OR10J1: variants seen among roughly 807,000 people sequenced by gnomAD.
OR10J1 encodes the protein olfactory receptor family 10 subfamily J member 1.
For synonymous variants in OR10J1, 202 were observed against 143.8 expected (o/e 1.40, Z -2.89); for missense variants, 474 against 376.6 (o/e 1.26, Z -2.14).
chr1:159,414,225 C>A, the OR10J1 span, among the ~76,000 whole-genome samples: 3 of 152,090 alleles, frequency 2.0e-5, no homozygotes, highest in East Asian at 1.9e-4. Context: ...CATTGACCAA[C>A]TTCTCTTCAT....
At position 159,440,811 on chromosome 1, in the gene OR10J1, C is replaced by A. The variant is rs989461024; in HGVS notation, c.*90C>A. The A allele has an allele frequency of 1.4e-6, 2 of 1,383,916 alleles. No individual in the cohort carries two copies. Among genetic ancestry groups the A allele is most frequent in the Non-Finnish European group, 2.0e-6 (2 of 1,023,678 alleles). 85.7% of individuals were successfully genotyped at this position (1,383,916 alleles called of 1,614,324 possible). On this transcript the variant is annotated 3_prime_UTR_variant, in exon 1 of 1. Coordinates refer to ENST00000423932, the MANE Select transcript of OR10J1 (RefSeq NM_012351.3). ...CTCACAAACACTTGGCTCCTAGAGA[C>A]CTGCCCCTTAAATAAGAGGCAAAAG...
chr1:159,435,385 T>C (rs1400470405), upstream of OR10J1, among the ~76,000 whole-genome samples: 1 of 152,174 alleles, frequency 6.6e-6, no homozygotes, highest in African/African-American at 2.4e-5. Context: ...GACAAAAGCA[T>C]CTACAAGTAT....
the OR10J1 span, among the ~76,000 whole-genome samples, chr1:159,399,073 C>T: frequency 2.0e-5 from 3 of 151,856 alleles, no homozygotes; most frequent in Non-Finnish European, 4.4e-5. Context: ...AATTAAGCTT[C>T]ACTACATCTG....
chr1:159,424,472 A>G, the OR10J1 span, among the ~76,000 whole-genome samples: 1 of 149,344 alleles, frequency 6.7e-6, no homozygotes, highest in Non-Finnish European at 1.5e-5. Flanking sequence ...TAAATATATA[A>G]GTATACATAT....
chr1:159,413,588 A>T, the OR10J1 span, among the ~76,000 whole-genome samples: 1 of 151,764 alleles, frequency 6.6e-6, no homozygotes, highest in Admixed American at 6.6e-5. Flanking sequence ...CTATCACAAG[A>T]ACAAAAAACC....
the OR10J1 span, among the ~76,000 whole-genome samples, chr1:159,427,323 C>T: frequency 7.6e-4 from 115 of 150,666 alleles, no homozygotes; most frequent in Non-Finnish European, 1.1e-3. Flanking sequence ...AATTTAAATG[C>T]AAAAATAAAG....
chr1:159,406,129 G>T, the OR10J1 span: 1 of 466,332 alleles, frequency 2.1e-6, no homozygotes, highest in South Asian at 1.7e-5. Flanking sequence ...AGCATATGGG[G>T]AGTAATGGCC....
chr1:159,418,393 C>A, the OR10J1 span, among the ~76,000 whole-genome samples: 16,485 of 152,164 alleles, frequency 0.11, 1,144 homozygotes, highest in East Asian at 0.23. Context: ...GTCCCAGCCA[C>A]CCTAGCCATG....
In OR10J1 at chr1:159,440,701, G is replaced by T. The variant is rs776144411; in HGVS notation, c.910G>T (p.Val304Phe). 1.2e-6 allele frequency: 2 copies of T among 1,609,200 alleles called. No individual in the cohort carries two copies. The highest frequency in any genetic ancestry group is 1.1e-5 in the South Asian group (1 of 90,606). ...GGTCAAAGATGCTCTGTGCAGGGCT[G>T]TTGGTGGGAAGTTTTCCTGACCATG... The part of the protein sequence containing the change: ...KEVKDALCRA[V>F]GGKFS Residue 304 changes from valine to phenylalanine, a missense_variant, in exon 1 of 1, where the codon GTT becomes TTT. Transcript: ENST00000423932.
the OR10J1 span, among the ~76,000 whole-genome samples, chr1:159,416,144 A>T: frequency 1.3e-5 from 2 of 151,798 alleles, no homozygotes; most frequent in Non-Finnish European, 2.9e-5. Flanking sequence ...TGACAATTTG[A>T]TTTATTCTTG....
the OR10J1 span, among the ~76,000 whole-genome samples, chr1:159,421,361 A>T: frequency 2.0e-5 from 3 of 152,022 alleles, no homozygotes; most frequent in African/African-American, 7.2e-5. Flanking sequence ...ATTCTTGAGT[A>T]TCAATATTTT....
At chr1:159,410,120 T>G in the OR10J1 span, among the ~76,000 whole-genome samples, 1 of 152,216 alleles carries the variant, frequency 6.6e-6, no homozygotes, top group African/African-American at 2.4e-5. Flanking sequence ...TTGAGGATTT[T>G]TGCATCAATG....
chr1:159,406,341 C>T, the OR10J1 span: 16 of 481,150 alleles, frequency 3.3e-5, no homozygotes, highest in Non-Finnish European at 6.7e-5. Flanking sequence ...AGAGCTCAGT[C>T]ACAGCAGTGG....
At chr1:159,421,032 A>T in the OR10J1 span, among the ~76,000 whole-genome samples, 1 of 152,036 alleles carries the variant, frequency 6.6e-6, no homozygotes, top group African/African-American at 2.4e-5. Flanking sequence ...AGATACCACA[A>T]ATTTGAGTAC....
the OR10J1 span, chr1:159,406,443 C>A: frequency 4.3e-4 from 141 of 330,370 alleles, 2 homozygotes; most frequent in South Asian, 4.1e-3. Flanking sequence ...ACAGATTACA[C>A]AGTTGTCTGA....
rs1655917215 is a variant in OR10J1, at chr1:159,440,620, T to A, written c.829T>A (p.Tyr277Asn). ...REHDQLISVT[Y>N]TVITPLLNPV... is the part of the protein sequence containing the mutation. ...ACATGACCAGCTGATCTCGGTGACC[T>A]ACACTGTCATCACTCCCCTACTGAA... The change falls in exon 1 of 1, where the codon TAC (tyrosine) becomes AAC (asparagine). Residue 277 changes from tyrosine (Y) to asparagine (N), a missense_variant. By Grantham distance (143) the Tyr-to-Asn change is moderately radical. Transcript: ENST00000423932. The A allele has an allele frequency of 6.2e-7, 1 of 1,613,768 alleles. No individual in the cohort carries two copies. Among genetic ancestry groups the A allele is most frequent in the Non-Finnish European group, 8.5e-7 (1 of 1,179,990 alleles).
chr1:159,405,551 A>T, the OR10J1 span: 1 of 351,986 alleles, frequency 2.8e-6, no homozygotes, highest in South Asian at 3.1e-5. Flanking sequence ...TAGGTCACTG[A>T]GATGAGTCTG....
Position 159,439,746 on chromosome 1 carries a change from C to T in OR10J1, c.-46C>T. On this transcript the variant is annotated 5_prime_UTR_variant, in exon 1 of 1. Transcript: ENST00000423932. ...ATGTGCTTCTACTGCTTTACTGGGA[C>T]TATGTGACTTTTATGCTTTTATGTT... is the stretch of plus-strand genomic sequence containing the variant. The T allele has an allele frequency of 6.2e-7, 1 of 1,611,092 alleles. No homozygotes were observed. Among genetic ancestry groups the T allele is most frequent in the African/African-American group, 1.3e-5 (1 of 74,900 alleles).
chr1:159,402,881 C>G, the OR10J1 span, among the ~76,000 whole-genome samples: 10 of 151,984 alleles, frequency 6.6e-5, no homozygotes, highest in Non-Finnish European at 1.5e-4. Flanking sequence ...CTACAGTAAC[C>G]AAAACAGCAT....
Sources: gnomAD v4.1 joint callset for allele counts (sites outside exome capture counted in the v4.1 genomes callset) on GRCh38, gnomAD v4.1.1 for gene constraint, MANE v1.5 for transcripts, NCBI Gene and HGNC (gene_info 2026-07-23, HGNC 2026-07-21) for gene names.